FMO5: variants seen among roughly 807,000 people sequenced by gnomAD.
FMO5 encodes flavin-containing monooxygenase 5.
A neutral mutation model predicts 43.6 loss-of-function variants in FMO5; 51 were observed. That is an observed-to-expected ratio of 1.17 (90% CI 0.93 to 1.48). The LOEUF is 1.48. Among genes scored for constraint, FMO5 ranks in the 40% most tolerant of loss-of-function variants. The pLI is 0.00. For synonymous variants in FMO5, 187 were observed against 216.5 expected (o/e 0.86, Z 1.20); for missense variants, 644 against 643.0 (o/e 1.00, Z -0.02).
At chr1:147,212,174 C>T (rs1571342280) in intron 5 of FMO5, among the ~76,000 whole-genome samples, 1 of 152,184 alleles carries the variant, frequency 6.6e-6, no homozygotes. Context: ...TGGTGTGAGG[C>T]TAGTTGCACA....
intron 2 of FMO5, among the ~76,000 whole-genome samples, chr1:147,217,251 A>G (rs1343829024): frequency 6.6e-6 from 1 of 152,142 alleles, no homozygotes; most frequent in African/African-American, 2.4e-5. Context: ...AAAAAAAAGA[A>G]AAAGAAAAAG....
At chr1:147,213,231 G>A in intron 4 of FMO5, 77 bp downstream of exon 4, 1 of 1,221,596 alleles carries the variant, frequency 8.2e-7, no homozygotes, top group Non-Finnish European at 1.1e-6. Context: ...GAATTACTCA[G>A]ACCACAATCC....
upstream of FMO5, among the ~76,000 whole-genome samples, chr1:147,227,154 C>G (rs2102143280): frequency 6.6e-6 from 1 of 152,284 alleles, no homozygotes; most frequent in South Asian, 2.1e-4. Flanking sequence ...AGACTAATAT[C>G]TTTCACAAAA....
At chr1:147,197,286 A>C (rs1416376148) in intron 7 of FMO5, among the ~76,000 whole-genome samples, 2 of 152,004 alleles carry the variant, frequency 1.3e-5, no homozygotes, top group African/African-American at 4.8e-5. Context: ...TTGTAGGGAG[A>C]ATTGGGTACT....
rs1173384320 is a variant in FMO5 at position 147,206,185 on chromosome 1, A to G, written c.830+2667T>C. ...GAAAAAATGCTCATCATCACTGGCC[A>G]TCAGAGAAATGCAAATCAAAACCAC... is the stretch of plus-strand genomic sequence containing the variant. On this transcript the variant is annotated intron_variant, in intron 6 of 8. Transcript: ENST00000254090. Among the ~76,000 whole-genome samples, 4 of 150,616 alleles carry G rather than the reference A, an allele frequency of 2.7e-5. 1 individual carries two copies. Among genetic ancestry groups the G allele is most frequent in the Non-Finnish European group, 5.9e-5 (4 of 67,758 alleles).
At chr1:147,215,074 T>C (rs1661759273) in intron 3 of FMO5, 1 of 152,168 alleles carries the variant, frequency 6.6e-6, no homozygotes, top group Non-Finnish European at 1.5e-5. Context: ...AATTCTTTTA[T>C]GGTCATGATC....
At chr1:147,214,121 A>G (rs1661532257) in intron 3 of FMO5, among the ~76,000 whole-genome samples, 1 of 152,180 alleles carries the variant, frequency 6.6e-6, no homozygotes, top group Non-Finnish European at 1.5e-5. Flanking sequence ...ATGTGCTTCT[A>G]CGGGCCCATG....
At chr1:147,201,653 AC>A in intron 6 of FMO5, 149 bp from the exon 7 acceptor site, 1 of 634,588 alleles carries the variant, frequency 1.6e-6, no homozygotes, top group South Asian at 2.0e-5. Flanking sequence ...TCTAATTTAT[AC>A]TAGGTTGGCA....
intron 5 of FMO5, 43 bp from the exon 6 acceptor site, chr1:147,209,094 G>A (rs781826457): frequency 4.5e-6 from 7 of 1,549,000 alleles, no homozygotes; most frequent in South Asian, 1.1e-5. Flanking sequence ...ACTCAGATTC[G>A]TAAACCTTCA....
chr1:147,205,759 A>C (rs1278629590), intron 6 of FMO5, among the ~76,000 whole-genome samples: 1 of 152,204 alleles, frequency 6.6e-6, no homozygotes, highest in Non-Finnish European at 1.5e-5. Context: ...TTATACAAAA[A>C]TTAATTCAAA....
Position 147,187,129 on chromosome 1 carries a change from T to C in FMO5, c.1373A>G (p.Lys458Arg). 1 of 1,614,098 alleles carries C rather than the reference T, an allele frequency of 6.2e-7. No individual in the cohort carries two copies. Among genetic ancestry groups the C allele is most frequent in the Non-Finnish European group, 8.5e-7 (1 of 1,180,018 alleles). ...NLLSLAFTDP[K>R]LALHLLLGPC... ...TCCCAGTAATAAGTGTAATGCCAGC[T>C]TGGGGTCAGTGAAGGCCAGAGACAG... Residue 458 changes from lysine (K) to arginine (R), a missense_variant, in exon 9 of 9, where the codon AAG becomes AGG. Transcript: ENST00000254090.
chr1:147,222,114 A>T (rs932343433), intron 2 of FMO5, among the ~76,000 whole-genome samples: 11 of 152,210 alleles, frequency 7.2e-5, no homozygotes, highest in Admixed American at 2.6e-4. Flanking sequence ...TCATGCCTGT[A>T]ATCCCCACAC....
At chr1:147,207,418 A>G (rs185924904) in intron 6 of FMO5, among the ~76,000 whole-genome samples, 82 of 152,340 alleles carry the variant, frequency 5.4e-4, no homozygotes, top group African/African-American at 1.9e-3. Flanking sequence ...GGGAAAATAA[A>G]TTTAAAATCA....
At chr1:147,184,463 C>A, downstream of FMO5, 1 of 1,403,334 alleles carries the variant, frequency 7.1e-7, no homozygotes, top group Non-Finnish European at 9.3e-7. This position sits in a 1 kb window ranked among gnomAD's most constrained non-coding sequence, Gnocchi z 4.4. Flanking sequence ...TGCAGGAGTC[C>A]ATCCAGGATA....
rs1559660941 is a variant in FMO5 at position 147,208,856 on chromosome 1, GT to G, written c.825del (p.Lys275AsnfsTer5). On this transcript the variant is annotated frameshift_variant, in exon 6 of 9. Coordinates refer to ENST00000254090, the MANE Select transcript of FMO5 (RefSeq NM_001461.4). LOFTEE classifies it high-confidence loss of function. The stretch of plus-strand genomic sequence containing the variant: ...ACTCCCATCCTGGGAACATACCTGT[GT>G]TTAGGCTTCAGGCCAAACATTTCAT... ...FDHEMFGLKP[K>X]HRALSQHPTL... The G allele has an allele frequency of 6.2e-7, 1 of 1,613,664 alleles. No homozygotes were observed. The highest frequency in any genetic ancestry group is 1.7e-5 in the Admixed American group (1 of 60,016).
intron 7 of FMO5, among the ~76,000 whole-genome samples, chr1:147,190,644 C>A (rs1473862221): frequency 6.6e-6 from 1 of 151,906 alleles, no homozygotes; most frequent in African/African-American, 2.4e-5. Context: ...AACAAAGGGA[C>A]CTTATATCAA....
Position 147,212,466 on chromosome 1 carries a change from T to C in FMO5, c.557A>G (p.Lys186Arg), listed in dbSNP as rs782516404. Residue 186 changes from lysine to arginine, a missense_variant, in exon 5 of 9, where the codon AAG (lysine) becomes AGG (arginine). Transcript: ENST00000254090. ...CCCAATGCCAATTATAATGACTCTC[T>C]TTCCAGTGAATCCCTCTGGGTTCTT... ...DYKNPEGFTGKRVIIIGIGNS... is the reference protein window; with the variant it reads ...DYKNPEGFTGRRVIIIGIGNS... 5.6e-6 allele frequency: 9 copies of C among 1,613,918 alleles called. No homozygotes were observed. In the East Asian group the frequency reaches 2.0e-4, roughly 36 times the overall value.
At position 147,187,154 on chromosome 1, in the gene FMO5, G is replaced by A. The variant is rs150746800; in HGVS notation, c.1348C>T (p.Leu450=). ...ADLVGVRPNL[L]SLAFTDPKLA... is the part of the protein sequence containing the mutation. ...TTGGGGTCAGTGAAGGCCAGAGACA[G>A]CAGATTGGGCCTGACCCCCACCAAA... is the stretch of plus-strand genomic sequence containing the variant. The change falls in exon 9 of 9, where the codon CTG becomes TTG. Residue 450 remains leucine, a synonymous_variant. Transcript: ENST00000254090. 7.7e-5 allele frequency: 124 copies of A among 1,614,134 alleles called. 1 individual carries two copies. The African/African-American group carries it at 1.6e-3, about 21-fold the overall frequency.
At chr1:147,225,196 T>A in intron 1 of FMO5, 91 bp downstream of exon 1, 7 of 1,446,758 alleles carry the variant, frequency 4.8e-6, no homozygotes, top group Non-Finnish European at 6.3e-6. Context: ...ACGGTCCTCT[T>A]CACCAGAGGA....
Sources: allele counts gnomAD v4.1 joint callset (sites outside exome capture counted in the v4.1 genomes callset), GRCh38; gene constraint gnomAD v4.1.1; non-coding constraint Gnocchi (gnomAD v3.1); transcripts MANE v1.5; gene names NCBI Gene and HGNC (gene_info 2026-07-23, HGNC 2026-07-21).